LAMA2: variants seen among roughly 807,000 people sequenced by gnomAD.
LAMA2 encodes the protein laminin subunit alpha-2.
A neutral mutation model predicts 364.8 loss-of-function variants in LAMA2; 269 were observed. The observed-to-expected ratio is 0.74, with a 90% confidence interval of 0.67 to 0.82. The LOEUF is 0.82. Ranked by LOEUF, LAMA2 falls within the 40% of genes least tolerant of loss-of-function variation. The pLI is 0.00. For missense variants in LAMA2, 3,807 were observed against 3,873.2 expected, an observed-to-expected ratio of 0.98 and a Z score of 0.45; for synonymous variants, 1,379 against 1,370.6, an observed-to-expected ratio of 1.01 and a Z score of -0.14.
chr6:128,995,588 T>TCCCTGCCTTG (rs1783883647), intron 1 of LAMA2, among the ~76,000 whole-genome samples: 2 of 152,174 alleles, frequency 1.3e-5, no homozygotes, highest in African/African-American at 4.8e-5. Flanking sequence ...CCTTCCAAAG[T>TCCCTGCCTTG]GCTGGGATTA....
intron 8 of LAMA2, chr6:129,158,356 C>T (rs926910275): frequency 2.4e-5 from 38 of 1,613,904 alleles, no homozygotes; most frequent in Non-Finnish European, 3.0e-5. Context: ...GCCACTCTTT[C>T]GCCATGCCAT....
chr6:129,417,594 A>G (rs1302054063), intron 40 of LAMA2, among the ~76,000 whole-genome samples: 1 of 151,558 alleles, frequency 6.6e-6, no homozygotes. Flanking sequence ...CTGAGGGCCC[A>G]CCCCTTTCCA....
intron 43 of LAMA2, among the ~76,000 whole-genome samples, chr6:129,441,544 T>G (rs990840100): frequency 1.3e-5 from 2 of 152,140 alleles, no homozygotes; most frequent in African/African-American, 4.8e-5. Flanking sequence ...TTCACATCTC[T>G]TATATATTAT....
At chr6:129,430,189 G>A (rs555896139) in intron 41 of LAMA2, among the ~76,000 whole-genome samples, 1 of 152,278 alleles carries the variant, frequency 6.6e-6, no homozygotes, top group South Asian at 2.1e-4. Context: ...AGGAACTGCT[G>A]AAATAGGCCC....
At chr6:128,931,845 ACT>A (rs1391408909) in intron 1 of LAMA2, among the ~76,000 whole-genome samples, 1 of 152,012 alleles carries the variant, frequency 6.6e-6, no homozygotes, top group Non-Finnish European at 1.5e-5. Flanking sequence ...TTACTTTTAA[ACT>A]CTTACTTTCC....
intron 14 of LAMA2, among the ~76,000 whole-genome samples, chr6:129,254,805 T>C (rs1786519034): frequency 6.6e-6 from 1 of 152,198 alleles, no homozygotes; most frequent in South Asian, 2.1e-4. Flanking sequence ...TATCCAAGAC[T>C]TGGATTTAGT....
intron 9 of LAMA2, among the ~76,000 whole-genome samples, chr6:129,172,535 T>C (rs1022356055): frequency 3.3e-4 from 50 of 152,220 alleles, no homozygotes; most frequent in Non-Finnish European, 3.7e-4. Flanking sequence ...TGCCCGTTCT[T>C]AGATCTCCAG....
intron 1 of LAMA2, among the ~76,000 whole-genome samples, chr6:129,029,121 T>C (rs1191283674): frequency 6.6e-6 from 1 of 151,494 alleles, no homozygotes; most frequent in East Asian, 1.9e-4. Context: ...TAGAAACAAG[T>C]AAGAAGTTCC....
At chr6:129,377,381 AT>A (rs1367819179) in intron 34 of LAMA2, among the ~76,000 whole-genome samples, 1 of 151,940 alleles carries the variant, frequency 6.6e-6, no homozygotes, top group African/African-American at 2.4e-5. Context: ...CTCCTTTTAT[AT>A]TTTTAAAAGA....
intron 14 of LAMA2, among the ~76,000 whole-genome samples, chr6:129,256,572 A>G (rs545433995): frequency 6.6e-6 from 1 of 151,958 alleles, no homozygotes; most frequent in South Asian, 2.1e-4. Flanking sequence ...ATAGTGCAGA[A>G]GAAGTGTGCG....
chr6:129,290,734 A>G (rs533374588), intron 19 of LAMA2, among the ~76,000 whole-genome samples: 15 of 152,328 alleles, frequency 9.8e-5, no homozygotes, highest in African/African-American at 9.6e-5. Flanking sequence ...TTACTATTCT[A>G]TTTGTGAAAA....
intron 12 of LAMA2, among the ~76,000 whole-genome samples, chr6:129,230,034 C>A (rs1445494405): frequency 1.3e-5 from 2 of 152,076 alleles, no homozygotes; most frequent in African/African-American, 4.8e-5. Flanking sequence ...ATCCATATGT[C>A]ATTTAAACCA....
At chr6:129,363,431 A>C (rs755974961) in intron 32 of LAMA2, among the ~76,000 whole-genome samples, 14 of 151,994 alleles carry the variant, frequency 9.2e-5, no homozygotes, top group Non-Finnish European at 1.6e-4. Flanking sequence ...ATGTGATTCC[A>C]ATGGGCAGCC....
intron 16 of LAMA2, among the ~76,000 whole-genome samples, chr6:129,270,110 C>A (rs1787813225): frequency 6.6e-6 from 1 of 152,008 alleles, no homozygotes; most frequent in Admixed American, 6.6e-5. Context: ...TCCACTGAGG[C>A]CAAAATTCAT....
intron 3 of LAMA2, among the ~76,000 whole-genome samples, chr6:129,094,688 TA>T (rs575914720): frequency 6.6e-6 from 1 of 152,300 alleles, no homozygotes; most frequent in African/African-American, 2.4e-5. Context: ...TTTATATCTT[TA>T]AAAAAATCTC....
chr6:129,267,297 C>T (rs995833753), intron 16 of LAMA2, 78 bp downstream of exon 16: 4 of 959,630 alleles, frequency 4.2e-6, no homozygotes, highest in Non-Finnish European at 6.9e-6. Context: ...CAGCTACTAC[C>T]CTGGGGACCT....
intron 1 of LAMA2, among the ~76,000 whole-genome samples, chr6:128,979,651 A>C (rs1782746336): frequency 6.6e-6 from 1 of 152,210 alleles, no homozygotes; most frequent in Non-Finnish European, 1.5e-5. Context: ...CTATCTTGCA[A>C]GGCTCTACTG....
chr6:129,334,752 G>A (rs1021257606), intron 29 of LAMA2, among the ~76,000 whole-genome samples: 1 of 152,054 alleles, frequency 6.6e-6, no homozygotes. Flanking sequence ...CTTCTTTCCT[G>A]GTCATAGCTG....
rs1786880403 is a variant in LAMA2 at position 129,514,594 on chromosome 6, A to T, written c.9210A>T (p.Pro3070=). Residue 3070 remains proline (P), a splice_region_variant and synonymous_variant, in exon 64 of 65, where the codon CCA becomes CCT. Transcript: ENST00000421865. ...TNDPVFVGGF[P]DDLKQFGLTT... ...ACCCTGTGTTTGTTGGAGGCTTCCC[A>T]GGTGAGTGTTGGCTACCCCAGCAAC... 1 of 1,612,844 alleles carries T rather than the reference A, an allele frequency of 6.2e-7. No homozygotes were observed. The highest frequency in any genetic ancestry group is 2.2e-5 in the East Asian group (1 of 44,842).
Sources: allele counts gnomAD v4.1 joint callset (sites outside exome capture counted in the v4.1 genomes callset), GRCh38; gene constraint gnomAD v4.1.1; transcripts MANE v1.5; gene names NCBI Gene and HGNC (gene_info 2026-07-23, HGNC 2026-07-21).